AFF1: variants seen among roughly 807,000 people sequenced by gnomAD.
AFF1 encodes ALF transcription elongation factor 1.
In AFF1, 48 loss-of-function variants were observed where a neutral mutation model predicts 121.7. The observed-to-expected ratio is 0.39, with a 90% confidence interval of 0.31 to 0.50. AFF1 has a LOEUF of 0.50. Among genes scored for constraint, AFF1 ranks in the 20% least tolerant of loss-of-function variants. The pLI, the probability that AFF1 is intolerant of heterozygous loss-of-function variation, is 0.76. For missense variants in AFF1, 1,523 were observed against 1,511.7 expected, an observed-to-expected ratio of 1.01 and a Z score of -0.12; for synonymous variants, 613 against 563.0, an observed-to-expected ratio of 1.09 and a Z score of -1.26.
rs747157652 is a variant in AFF1, at chr4:87,091,781, T to C, written c.1192-12T>C. 13 of 1,512,168 alleles carry C rather than the reference T, an allele frequency of 8.6e-6. No individual in the cohort carries two copies. The highest frequency in any genetic ancestry group is 1.8e-6 in the Non-Finnish European group (2 of 1,120,850). 93.7% of individuals were successfully genotyped at this position (1,512,168 alleles called of 1,614,324 possible). On this transcript the variant is annotated splice_polypyrimidine_tract_variant and intron_variant, in intron 6 of 20. Transcript: ENST00000395146. ...ATCTTTTAATAATTAGATATTTTTA[T>C]TTTCTTTCTAGGACTCTCAGCATGT...
At chr4:86,948,845 G>T (rs1161470295) in intron 2 of AFF1, among the ~76,000 whole-genome samples, 1 of 152,094 alleles carries the variant, frequency 6.6e-6, no homozygotes, top group African/African-American at 2.4e-5. Context: ...CTAATGCTGT[G>T]TTCAGGATAA....
In AFF1 at chr4:86,965,207, TAA is replaced by T. The variant is rs1359016676; in HGVS notation, c.38+16638_38+16639del. ...AAAACTACATTTTAAGGCATCTATA[TAA>T]AGTCTTCAGAATTATGTAAACAGTG... On this transcript the variant is annotated intron_variant, in intron 2 of 20. Transcript: ENST00000395146. Among the ~76,000 whole-genome samples the T allele has an allele frequency of 6.6e-5, 10 of 152,386 alleles. No homozygotes were observed. In the South Asian group the frequency reaches 1.7e-3, roughly 25 times the overall value.
intron 2 of AFF1, chr4:86,949,534 A>ATTT (rs1317428441): frequency 4.3e-5 from 15 of 347,418 alleles, no homozygotes; most frequent in East Asian, 2.8e-4. Context: ...TATTATTATT[A>ATTT]TTATTTTTTT....
chr4:87,058,046 C>T (rs1477759199), intron 4 of AFF1, among the ~76,000 whole-genome samples: 1 of 152,168 alleles, frequency 6.6e-6, no homozygotes, highest in East Asian at 1.9e-4. Flanking sequence ...AGTGCCCTTT[C>T]CCCTTTAATT....
intron 4 of AFF1, among the ~76,000 whole-genome samples, chr4:87,074,605 A>T (rs992543738): frequency 6.6e-6 from 1 of 152,240 alleles, no homozygotes; most frequent in African/African-American, 2.4e-5. Flanking sequence ...AACCTATCCC[A>T]GCACACCCTA....
chr4:87,131,774 C>G lies in AFF1; in HGVS notation c.3102-19C>G, dbSNP rs772540941. The G allele has an allele frequency of 1.3e-6, 2 of 1,569,978 alleles. No homozygotes were observed. Among genetic ancestry groups the G allele is most frequent in the Admixed American group, 3.6e-5 (2 of 55,618 alleles). On this transcript the variant is annotated intron_variant, in intron 17 of 20. Transcript: ENST00000395146. ...CTGCCTTTGTTTAAAACCTGATGTA[C>G]TTTTATATTTTCCTATAGATTCATA...
intron 4 of AFF1, among the ~76,000 whole-genome samples, chr4:87,082,698 G>A (rs1453139030): frequency 2.6e-5 from 4 of 152,222 alleles, no homozygotes; most frequent in Middle Eastern, 3.4e-3. Flanking sequence ...CAAAGTGCTG[G>A]GATTACAGGT....
At chr4:87,029,826 T>G (rs1228488303) in intron 2 of AFF1, among the ~76,000 whole-genome samples, 1 of 152,168 alleles carries the variant, frequency 6.6e-6, no homozygotes, top group East Asian at 1.9e-4. Flanking sequence ...TCACAACACC[T>G]TGGAGGCATT....
At chr4:86,965,196 AG>A (rs1722450914) in intron 2 of AFF1, among the ~76,000 whole-genome samples, 1 of 152,246 alleles carries the variant, frequency 6.6e-6, no homozygotes, top group Admixed American at 6.5e-5. Context: ...CTACATTTTA[AG>A]GCATCTATAT....
chr4:87,000,652 TGGG>T (rs1178115032), intron 2 of AFF1, among the ~76,000 whole-genome samples: 1 of 128,388 alleles, frequency 7.8e-6, no homozygotes, highest in African/African-American at 2.7e-5. Flanking sequence ...GCAGAGGAAG[TGGG>T]GGAACTTGAG....
At position 86,981,674 on chromosome 4, in the gene AFF1, T is replaced by C. The variant is rs190066546; in HGVS notation, c.38+33103T>C. Among the ~76,000 whole-genome samples, 67 of 152,282 alleles carry C rather than the reference T, an allele frequency of 4.4e-4. No individual in the cohort carries two copies. In the East Asian group the frequency reaches 0.01, roughly 23 times the overall value. On this transcript the variant is annotated intron_variant, in intron 2 of 20. Transcript: ENST00000395146. ...TATGAGCCAGGACCCCTGGCCTAGT[T>C]ACTATGTTTTAAATAGCTCCAGCCC...
intron 7 of AFF1, 134 bp from the exon 8 acceptor site, chr4:87,094,781 C>A (rs1370013091): frequency 1.3e-6 from 1 of 785,192 alleles, no homozygotes; most frequent in Non-Finnish European, 2.1e-6. Flanking sequence ...ACATAAATGT[C>A]ATCTTATAAT....
intron 1 of AFF1, among the ~76,000 whole-genome samples, chr4:86,946,757 A>G (rs973701560): frequency 3.3e-5 from 5 of 152,026 alleles, no homozygotes; most frequent in African/African-American, 1.2e-4. Context: ...CAGTCAGTCA[A>G]CAAACAAGTG....
At chr4:86,950,029 G>A in intron 2 of AFF1, 1 of 1,614,140 alleles carries the variant, frequency 6.2e-7, no homozygotes, top group Non-Finnish European at 8.5e-7. Context: ...GAGCTCCGTA[G>A]GTAGGGGGAG....
At chr4:86,976,090 T>A (rs1723282972) in intron 2 of AFF1, among the ~76,000 whole-genome samples, 1 of 152,090 alleles carries the variant, frequency 6.6e-6, no homozygotes, top group African/African-American at 2.4e-5. Flanking sequence ...GATGGAGGGA[T>A]GTAACAAGGA....
At position 87,081,152 on chromosome 4, in the gene AFF1, A is replaced by ATTTTTTTTT. The variant is rs549510832; in HGVS notation, c.1060-2949_1060-2941dup. Among the ~76,000 whole-genome samples the ATTTTTTTTT allele has an allele frequency of 2.8e-4, 25 of 89,714 alleles. 1 individual carries two copies. The highest frequency in any genetic ancestry group is 8.8e-4 in the African/African-American group (20 of 22,678). 58.9% of individuals were successfully genotyped at this position (89,714 alleles called of 152,430 possible). ...TTGTAGTTTTTCTCTAATGAAATGA[A>ATTTTTTTTT]TTTTTTTTTTTTTTTTTTTTTTTTT... On this transcript the variant is annotated intron_variant, in intron 4 of 20. Transcript: ENST00000395146.
chr4:86,943,643 G>C (rs974491208), intron 1 of AFF1, among the ~76,000 whole-genome samples: 1 of 152,026 alleles, frequency 6.6e-6, no homozygotes, highest in African/African-American at 2.4e-5. Flanking sequence ...TGGGCAACAT[G>C]GCAAACTCCT....
At chr4:87,081,355 G>C (rs763753694) in intron 4 of AFF1, among the ~76,000 whole-genome samples, 7 of 151,868 alleles carry the variant, frequency 4.6e-5, no homozygotes, top group Admixed American at 2.6e-4. Flanking sequence ...TAGAGATGGG[G>C]TTTCACCGTG....
chr4:86,976,385 G>A (rs1315093064), intron 2 of AFF1, among the ~76,000 whole-genome samples: 5 of 152,120 alleles, frequency 3.3e-5, no homozygotes, highest in Non-Finnish European at 7.3e-5. Flanking sequence ...GGTGCCAGTG[G>A]TAGACTAGAT....
Sources: gnomAD v4.1 joint callset for allele counts (sites outside exome capture counted in the v4.1 genomes callset) on GRCh38, gnomAD v4.1.1 for gene constraint, MANE v1.5 for transcripts, NCBI Gene and HGNC (gene_info 2026-07-23, HGNC 2026-07-21) for gene names.